MACROD2: variants seen among roughly 807,000 people sequenced by gnomAD.
The protein encoded by MACROD2 is mono-ADP ribosylhydrolase 2.
Under a neutral mutation model 70.4 loss-of-function variants are expected in MACROD2, and 36 were observed. The ratio of observed to expected loss-of-function variants is 0.51; its 90% CI spans 0.39 to 0.68. MACROD2 has a LOEUF of 0.68. Among genes scored for constraint, MACROD2 ranks in the 30% least tolerant of loss-of-function variants. The probability of loss-of-function intolerance (pLI) is 0.00; values close to 1 mark genes in which losing one functional copy is unlikely to be tolerated. For synonymous variants in MACROD2, 172 were observed against 178.8 expected, an observed-to-expected ratio of 0.96 and a Z score of 0.30; for missense variants, 496 against 538.4, an observed-to-expected ratio of 0.92 and a Z score of 0.78.
chr20:14,453,770 T>A (rs978690501), intron 3 of MACROD2, among the ~76,000 whole-genome samples: 1 of 152,070 alleles, frequency 6.6e-6, no homozygotes, highest in Non-Finnish European at 1.5e-5. Flanking sequence ...TTTTTTCCAT[T>A]TAATTACCTG....
chr20:14,425,742 T>A (rs1171300461), intron 3 of MACROD2, among the ~76,000 whole-genome samples: 1 of 152,192 alleles, frequency 6.6e-6, no homozygotes, highest in Non-Finnish European at 1.5e-5. Flanking sequence ...CCCTCACCGT[T>A]ACCCTGGGGA....
intron 12 of MACROD2, among the ~76,000 whole-genome samples, chr20:15,963,072 C>T (rs942192118): frequency 2.0e-5 from 3 of 152,152 alleles, no homozygotes; most frequent in African/African-American, 7.2e-5. Flanking sequence ...GTCCTAATTG[C>T]TCCACATAAT....
chr20:15,043,491 A>G lies in MACROD2; in HGVS notation c.419-186449A>G, dbSNP rs551341035. Among the ~76,000 whole-genome samples, 4 of 152,196 alleles carry G rather than the reference A, an allele frequency of 2.6e-5. No homozygotes were observed. The South Asian group carries it at 6.2e-4, about 24-fold the overall frequency. On this transcript the variant is annotated intron_variant, in intron 5 of 17. Transcript: ENST00000684519. ...TGATGCCTCCACGCTGCACACCCAC[A>G]TTCTCTCTCTGGAGTTTGTCCCTCT...
At chr20:14,284,769 G>T (rs2208454) in intron 3 of MACROD2, among the ~76,000 whole-genome samples, 25,602 of 152,082 alleles carry the variant, frequency 0.17, 2,564 homozygotes, top group East Asian at 0.26. Flanking sequence ...TTGATTTTAT[G>T]TTGGCCTAAC....
chr20:14,212,180 T>C (rs1257818187), intron 3 of MACROD2, among the ~76,000 whole-genome samples: 2 of 152,132 alleles, frequency 1.3e-5, no homozygotes, highest in South Asian at 2.1e-4. Flanking sequence ...ATTATTACTG[T>C]TCAAAAAATT....
chr20:16,045,363 C>T (rs1354494091), intron 17 of MACROD2, among the ~76,000 whole-genome samples: 1 of 152,150 alleles, frequency 6.6e-6, no homozygotes, highest in Non-Finnish European at 1.5e-5. Flanking sequence ...AAAGCCAGTA[C>T]TGCTTGCTTC....
At chr20:15,377,604 C>A (rs1265508109) in intron 6 of MACROD2, among the ~76,000 whole-genome samples, 4 of 152,202 alleles carry the variant, frequency 2.6e-5, no homozygotes, top group African/African-American at 9.7e-5. Flanking sequence ...CAAAGTCTAA[C>A]ATGTTTCCAG....
intron 4 of MACROD2, among the ~76,000 whole-genome samples, chr20:14,664,574 A>G (rs1295801652): frequency 1.3e-5 from 2 of 152,088 alleles, no homozygotes; most frequent in Non-Finnish European, 2.9e-5. Flanking sequence ...TAGAGCTGTA[A>G]TACCTGAAAG....
intron 5 of MACROD2, among the ~76,000 whole-genome samples, chr20:14,995,367 A>C (rs2074940567): frequency 6.6e-6 from 1 of 152,062 alleles, no homozygotes; most frequent in South Asian, 2.1e-4. Flanking sequence ...TTAATTGACA[A>C]AAGAAGTAAG....
At chr20:15,021,070 ATG>A (rs1197430220) in intron 5 of MACROD2, among the ~76,000 whole-genome samples, 27 of 141,252 alleles carry the variant, frequency 1.9e-4, no homozygotes, top group Middle Eastern at 7.5e-3. Context: ...ATGTATACAC[ATG>A]TGTGTATGTG....
At chr20:14,087,741 C>T (rs1050520724) in intron 3 of MACROD2, among the ~76,000 whole-genome samples, 1 of 152,068 alleles carries the variant, frequency 6.6e-6, no homozygotes, top group African/African-American at 2.4e-5. Flanking sequence ...GAAAGGGTCT[C>T]AGGAAGTCCT....
At chr20:14,679,760 A>G (rs191043729) in intron 4 of MACROD2, among the ~76,000 whole-genome samples, 39 of 152,244 alleles carry the variant, frequency 2.6e-4, no homozygotes, top group Admixed American at 7.2e-4. Context: ...AGTGCCACAA[A>G]TATAGCTCTG....
intron 5 of MACROD2, among the ~76,000 whole-genome samples, chr20:15,229,662 A>G (rs1156348447): frequency 6.6e-6 from 1 of 152,198 alleles, no homozygotes; most frequent in Non-Finnish European, 1.5e-5. Flanking sequence ...GTCTTATACT[A>G]TAATCTGTGT....
intron 5 of MACROD2, among the ~76,000 whole-genome samples, chr20:14,809,034 A>G (rs555365660): frequency 5.9e-5 from 9 of 152,246 alleles, no homozygotes; most frequent in Admixed American, 5.2e-4. Context: ...ACGAGACAGA[A>G]AATTAACAAG....
At chr20:14,928,891 G>A (rs1327851194) in intron 5 of MACROD2, among the ~76,000 whole-genome samples, 1 of 152,120 alleles carries the variant, frequency 6.6e-6, no homozygotes, top group Non-Finnish European at 1.5e-5. Context: ...CACGCTTCCT[G>A]TTTTTAATCA....
rs191740058 is a variant in MACROD2 at position 14,099,766 on chromosome 20, A to G, written c.271+14038A>G. On this transcript the variant is annotated intron_variant, in intron 3 of 17. Transcript: ENST00000684519. Reference sequence around the variant, plus strand: ...CACTGTTGTGTGGTTTTCACTTTATACTTCCAATAGCAGTGTATGAGAGTT... The same window carrying G: ...CACTGTTGTGTGGTTTTCACTTTATGCTTCCAATAGCAGTGTATGAGAGTT... Among the ~76,000 whole-genome samples the G allele has an allele frequency of 2.6e-5, 4 of 152,282 alleles. No homozygotes were observed. In the East Asian group the frequency reaches 7.7e-4, roughly 29 times the overall value.
At chr20:16,029,157 T>A (rs2067119838) in intron 15 of MACROD2, among the ~76,000 whole-genome samples, 1 of 152,118 alleles carries the variant, frequency 6.6e-6, no homozygotes, top group African/African-American at 2.4e-5. Context: ...CCTATCAGAT[T>A]AAGGTCCCAC....
chr20:14,028,551 G>A (rs1234764993), intron 2 of MACROD2, among the ~76,000 whole-genome samples: 1 of 152,204 alleles, frequency 6.6e-6, no homozygotes, highest in Non-Finnish European at 1.5e-5. Flanking sequence ...CCCTGGTGGT[G>A]TAGGCAACCA....
intron 4 of MACROD2, among the ~76,000 whole-genome samples, chr20:14,602,937 G>A (rs895057635): frequency 6.6e-6 from 1 of 152,222 alleles, no homozygotes; most frequent in African/African-American, 2.4e-5. Context: ...CAGTGTAAGG[G>A]TAAGAAATGA....
Sources: allele counts gnomAD v4.1 joint callset (sites outside exome capture counted in the v4.1 genomes callset), GRCh38; gene constraint gnomAD v4.1.1; transcripts MANE v1.5; gene names NCBI Gene and HGNC (gene_info 2026-07-23, HGNC 2026-07-21).